Variants in KCNAB2 observed in about 807,000 individuals in gnomAD.
KCNAB2 encodes the protein potassium voltage-gated channel subfamily A regulatory beta subunit 2, also known as voltage-gated potassium channel subunit beta-2.
In KCNAB2, 29 loss-of-function variants were observed where a neutral mutation model predicts 63.6. The ratio of observed to expected loss-of-function variants is 0.46; its 90% CI spans 0.34 to 0.62. The LOEUF is 0.62. KCNAB2 is among the 20% of genes least tolerant of loss of function. KCNAB2 has a pLI of 0.01. For missense variants in KCNAB2, 359 were observed against 563.9 expected (o/e 0.64, Z 3.68); for synonymous variants, 222 against 224.2 (o/e 0.99, Z 0.09).
At position 6,072,776 on chromosome 1, in the gene KCNAB2, G is replaced by C; in HGVS notation, c.240G>C (p.Leu80=). The change falls in exon 3 of 16, where the codon CTG becomes CTC. Residue 80 remains leucine, a synonymous_variant. Coordinates refer to ENST00000378083, the MANE Select transcript of KCNAB2 (RefSeq NM_001199862.2). ...TCAGGAACCTGGGCAAGTCTGGCCT[G>C]CGGGTCTCCTGCCTGGGACTTGGTG... ...MKYRNLGKSG[L]RVSCLGLGTW... 1 of 1,613,980 alleles carries C rather than the reference G, an allele frequency of 6.2e-7. No homozygotes were observed. Among genetic ancestry groups the C allele is most frequent in the Non-Finnish European group, 8.5e-7 (1 of 1,179,880 alleles).
chr1:6,086,043 G>A lies in KCNAB2; in HGVS notation c.425+795G>A. ...GTCCTCACCCACCTTGGGACCAACTGGGCTGAGCACTTGCCTACATTTTGA... is the reference window on the plus strand; with the variant it reads ...GTCCTCACCCACCTTGGGACCAACTAGGCTGAGCACTTGCCTACATTTTGA... On this transcript the variant is annotated intron_variant, in intron 6 of 15. Coordinates refer to ENST00000378083, the MANE Select transcript of KCNAB2 (RefSeq NM_001199862.2). The surrounding 1 kb of genome is among the most constrained non-coding windows in gnomAD (Gnocchi z 4.2). 6 of 985,468 alleles carry A rather than the reference G, an allele frequency of 6.1e-6. No homozygotes were observed. Among genetic ancestry groups the A allele is most frequent in the Non-Finnish European group, 7.2e-6 (6 of 829,950 alleles). The allele number at this position is 985,468 out of a possible 1,614,324, so 61.0% of individuals were successfully genotyped here. A position where few individuals can be genotyped will look rare whatever the true frequency, so the allele number is the denominator to read the frequency against.
exon 2 of KCNAB2, chr1:6,040,614 C>T (rs376203067): frequency 6.2e-6 from 10 of 1,613,864 alleles, no homozygotes; most frequent in South Asian, 1.1e-5. Flanking sequence ...GCTCTCGCTG[C>T]GGCAGACGGG....
chr1:6,094,596 G>A (rs1013084831), intron 11 of KCNAB2, 111 bp downstream of exon 11: 9 of 810,762 alleles, frequency 1.1e-5, no homozygotes, highest in African/African-American at 5.1e-5. Flanking sequence ...CAACTGCACC[G>A]ATGCCTGGGT....
intron 1 of KCNAB2, among the ~76,000 whole-genome samples, chr1:6,007,867 CCTT>C (rs1344698022): frequency 6.6e-6 from 1 of 152,216 alleles, no homozygotes; most frequent in African/African-American, 2.4e-5. Flanking sequence ...TGCAGAGGCT[CCTT>C]CTCTCCCTGG....
chr1:6,091,313 C>T lies in KCNAB2; in HGVS notation c.646+6C>T. 2 of 1,525,432 alleles carry T rather than the reference C, an allele frequency of 1.3e-6. No homozygotes were observed. The highest frequency in any genetic ancestry group is 1.8e-6 in the Non-Finnish European group (2 of 1,137,270). 94.5% of individuals were successfully genotyped at this position (1,525,432 alleles called of 1,614,324 possible). A position where few individuals can be genotyped will look rare whatever the true frequency, so the allele number is the denominator to read the frequency against. ...AAGGACATTCATCATAGAAGGTACA[C>T]AGTGCCCCCAGCCTGACTATTGACT... On this transcript the variant is annotated splice_donor_region_variant and intron_variant, in intron 10 of 15. Coordinates refer to ENST00000378083, the MANE Select transcript of KCNAB2 (RefSeq NM_001199862.2).
At chr1:6,000,681 A>G (rs1657204830) in intron 1 of KCNAB2, among the ~76,000 whole-genome samples, 1 of 150,430 alleles carries the variant, frequency 6.6e-6, no homozygotes, top group Non-Finnish European at 1.5e-5. Flanking sequence ...GAAAACAGTG[A>G]TATCCCTGGG....
At chr1:6,067,369 A>T (rs534983428) in intron 2 of KCNAB2, among the ~76,000 whole-genome samples, 2 of 152,322 alleles carry the variant, frequency 1.3e-5, no homozygotes, top group African/African-American at 4.8e-5. Context: ...AACTGTTCTC[A>T]TTGCATTTGG....
intron 1 of KCNAB2, among the ~76,000 whole-genome samples, chr1:6,004,090 C>A (rs1043466435): frequency 9.2e-5 from 14 of 152,330 alleles, no homozygotes; most frequent in Admixed American, 4.6e-4. Flanking sequence ...ACAGAGAGGG[C>A]TGCAGACATT....
At position 6,078,752 on chromosome 1, in the gene KCNAB2, G is replaced by A. The variant is rs1330297238; in HGVS notation, c.301-3443G>A. Among the ~76,000 whole-genome samples the A allele has an allele frequency of 6.6e-6, 1 of 152,226 alleles. No individual in the cohort carries two copies. Among genetic ancestry groups the A allele is most frequent in the Non-Finnish European group, 1.5e-5 (1 of 68,042 alleles). On this transcript the variant is annotated intron_variant, in intron 4 of 15. Transcript: ENST00000378083. This position sits in a 1 kb window ranked among gnomAD's most constrained non-coding sequence, Gnocchi z 4.2. ...TGCTGCACTGGGAATGGCGAGTCAT[G>A]AGGATGTCCCAGAGTTCAGCGTGTG...
chr1:6,089,080 C>T, intron 8 of KCNAB2, 29 bp downstream of exon 8: 2 of 1,546,086 alleles, frequency 1.3e-6, no homozygotes, highest in Non-Finnish European at 8.7e-7. Context: ...ACCTCAGGGC[C>T]CCCATACCTG....
intron 1 of KCNAB2, among the ~76,000 whole-genome samples, chr1:6,047,654 GC>G (rs2100507691): frequency 6.6e-6 from 1 of 152,328 alleles, no homozygotes; most frequent in African/African-American, 2.4e-5. Context: ...TGGAGCCTGG[GC>G]CTTGGTTACT....
Position 6,100,062 on chromosome 1 carries a change from C to A in KCNAB2, c.*1488C>A, listed in dbSNP as rs1665930963. On this transcript the variant is annotated 3_prime_UTR_variant, in exon 16 of 16. Transcript: ENST00000378083. ...GTCTCCTGCCCCCAGGGCGCACCCTCAGTGCAGGCACCTCTGTTCCCGCTT... is the reference window on the plus strand; with the variant it reads ...GTCTCCTGCCCCCAGGGCGCACCCTAAGTGCAGGCACCTCTGTTCCCGCTT... 2.0e-6 allele frequency: 3 copies of A among 1,484,992 alleles called. No individual in the cohort carries two copies. The highest frequency in any genetic ancestry group is 2.7e-6 in the Non-Finnish European group (3 of 1,115,900). 92.0% of individuals were successfully genotyped at this position (1,484,992 alleles called of 1,614,324 possible).
intron 2 of KCNAB2, among the ~76,000 whole-genome samples, chr1:6,059,686 G>C (rs1477290256): frequency 6.6e-6 from 1 of 152,204 alleles, no homozygotes; most frequent in Non-Finnish European, 1.5e-5. Flanking sequence ...CTCGCTTGGG[G>C]CTGGAGAGTT....
chr1:6,079,551 T>C lies in KCNAB2; in HGVS notation c.301-2644T>C, dbSNP rs529036700. Among the ~76,000 whole-genome samples the C allele has an allele frequency of 2.6e-5, 4 of 152,102 alleles. No homozygotes were observed. The East Asian group carries it at 7.7e-4, about 29-fold the overall frequency. On this transcript the variant is annotated intron_variant, in intron 4 of 15. Coordinates refer to ENST00000378083, the MANE Select transcript of KCNAB2 (RefSeq NM_001199862.2). ...AAAAAAATAACCCCAGTCTTGGATA[T>C]TCTGGACATGTGATACCCCTTGGAT...
chr1:6,042,325 G>A (rs1660562864), upstream of KCNAB2, among the ~76,000 whole-genome samples: 1 of 152,186 alleles, frequency 6.6e-6, no homozygotes, highest in African/African-American at 2.4e-5. Context: ...CTCATTGAAG[G>A]TTAATGCCTG....
At chr1:6,088,721 T>C (rs1217575403) in intron 7 of KCNAB2, among the ~76,000 whole-genome samples, 1 of 151,232 alleles carries the variant, frequency 6.6e-6, no homozygotes, top group African/African-American at 2.4e-5. Context: ...ATAATAATAA[T>C]AATAATAATA....
intron 1 of KCNAB2, among the ~76,000 whole-genome samples, chr1:6,010,872 G>A (rs958064982): frequency 6.6e-6 from 1 of 152,246 alleles, no homozygotes; most frequent in African/African-American, 2.4e-5. Flanking sequence ...CATCGTGGAA[G>A]CGGCGAATGA....
chr1:6,022,797 G>A (rs182813407), intron 1 of KCNAB2, among the ~76,000 whole-genome samples: 20 of 151,734 alleles, frequency 1.3e-4, no homozygotes, highest in East Asian at 3.9e-4. Flanking sequence ...AGACTCATCC[G>A]TGTTGTACCA....
chr1:6,094,733 C>A (rs1291660639), intron 11 of KCNAB2, among the ~76,000 whole-genome samples: 1 of 152,222 alleles, frequency 6.6e-6, no homozygotes, highest in Non-Finnish European at 1.5e-5. Flanking sequence ...AGCTTGTTTC[C>A]CCACCTGTAG....
Sources: allele counts gnomAD v4.1 joint callset (sites outside exome capture counted in the v4.1 genomes callset), GRCh38; gene constraint gnomAD v4.1.1; non-coding constraint Gnocchi (gnomAD v3.1); transcripts MANE v1.5; gene names NCBI Gene and HGNC (gene_info 2026-07-23, HGNC 2026-07-21).